DGKB: variants seen among roughly 807,000 people sequenced by gnomAD.
DGKB encodes the protein 90 kDa diacylglycerol kinase.
DGKB carries 67 observed loss-of-function variants against 114.3 expected under a neutral mutation model. The observed-to-expected ratio is 0.59, with a 90% CI of 0.48 to 0.72. DGKB has a LOEUF of 0.72. DGKB is among the 30% of genes least tolerant of loss of function. The probability of loss-of-function intolerance (pLI) is 0.00; values close to 1 mark genes in which losing one functional copy is unlikely to be tolerated. For missense variants in DGKB, 907 were observed against 975.2 expected (o/e 0.93, Z 0.93); for synonymous variants, 398 against 323.1 (o/e 1.23, Z -2.49).
intron 5 of DGKB, among the ~76,000 whole-genome samples, chr7:14,725,458 A>C (rs2128370557): frequency 6.6e-6 from 1 of 152,262 alleles, no homozygotes; most frequent in East Asian, 1.9e-4. Context: ...AATTTTCTGT[A>C]TTTATCACAT....
chr7:14,447,000 C>T (rs1830809484), intron 21 of DGKB, among the ~76,000 whole-genome samples: 1 of 152,078 alleles, frequency 6.6e-6, no homozygotes, highest in African/African-American at 2.4e-5. Flanking sequence ...GGCACAGGCA[C>T]AATAAATTAA....
chr7:14,884,168 T>C (rs1382003643), intron 1 of DGKB, among the ~76,000 whole-genome samples: 1 of 151,986 alleles, frequency 6.6e-6, no homozygotes, highest in Admixed American at 6.6e-5. Context: ...CCTAAAAATA[T>C]GCAAACGAAA....
intron 21 of DGKB, among the ~76,000 whole-genome samples, chr7:14,460,718 T>G (rs796821253): frequency 2.6e-5 from 4 of 151,902 alleles, no homozygotes; most frequent in African/African-American, 9.7e-5. Flanking sequence ...TTAACAAGAG[T>G]ATTCAGGACT....
chr7:14,278,586 A>T (rs1420787933), intron 23 of DGKB, among the ~76,000 whole-genome samples: 3 of 152,200 alleles, frequency 2.0e-5, no homozygotes, highest in Non-Finnish European at 2.9e-5. Flanking sequence ...TCTGGCAATG[A>T]TTTTTGGGGA....
At chr7:14,595,445 T>G (rs2128752241) in intron 17 of DGKB, among the ~76,000 whole-genome samples, 1 of 152,148 alleles carries the variant, frequency 6.6e-6, no homozygotes, top group Middle Eastern at 3.4e-3. Context: ...CATAATAAGT[T>G]AATTTCCTCC....
intron 1 of DGKB, among the ~76,000 whole-genome samples, chr7:14,919,572 G>T (rs1242282695): frequency 6.6e-6 from 1 of 152,096 alleles, no homozygotes; most frequent in Admixed American, 6.5e-5. Context: ...CAATCGCAAG[G>T]TTTTAATTGC....
intron 21 of DGKB, among the ~76,000 whole-genome samples, chr7:14,463,755 A>C (rs1431913197): frequency 2.0e-5 from 3 of 152,218 alleles, no homozygotes; most frequent in Admixed American, 2.0e-4. Context: ...TTTGTTTTCT[A>C]ATATGTGAAG....
intron 25 of DGKB, among the ~76,000 whole-genome samples, chr7:14,167,810 C>A (rs1315668050): frequency 1.3e-5 from 2 of 152,174 alleles, no homozygotes; most frequent in Non-Finnish European, 2.9e-5. Context: ...AGTCAACTAC[C>A]TGCTAAAATA....
chr7:14,755,171 G>T (rs1216644483), intron 3 of DGKB, among the ~76,000 whole-genome samples: 1 of 151,964 alleles, frequency 6.6e-6, no homozygotes, highest in East Asian at 1.9e-4. Context: ...TTTCTTCAAG[G>T]AATGATTATC....
chr7:14,958,076 C>T (rs1370683825), intron 1 of DGKB, among the ~76,000 whole-genome samples: 2 of 151,762 alleles, frequency 1.3e-5, no homozygotes, highest in Non-Finnish European at 2.9e-5. Context: ...ATTTGTAACC[C>T]TTATACAAAT....
At chr7:14,890,380 A>G (rs1035909340) in intron 1 of DGKB, among the ~76,000 whole-genome samples, 1 of 151,474 alleles carries the variant, frequency 6.6e-6, no homozygotes, top group African/African-American at 2.4e-5. Flanking sequence ...GGATAAATCC[A>G]TTTGAAGCTA....
intron 8 of DGKB, among the ~76,000 whole-genome samples, chr7:14,695,738 A>T (rs1477283510): frequency 6.6e-6 from 1 of 151,432 alleles, no homozygotes; most frequent in Non-Finnish European, 1.5e-5. Flanking sequence ...CAATCTCCTG[A>T]CCTCATGATC....
At chr7:14,621,026 C>A (rs1313512793) in intron 15 of DGKB, 1 of 157,204 alleles carries the variant, frequency 6.4e-6, no homozygotes, top group Non-Finnish European at 1.4e-5. Flanking sequence ...ATATCATACC[C>A]ATACTAAATA....
intron 12 of DGKB, among the ~76,000 whole-genome samples, chr7:14,681,784 C>T (rs1175062480): frequency 6.6e-6 from 1 of 151,980 alleles, no homozygotes; most frequent in African/African-American, 2.4e-5. Context: ...AAAATTTTTT[C>T]AAGCTAGATT....
intron 17 of DGKB, among the ~76,000 whole-genome samples, chr7:14,585,599 T>G (rs978147815): frequency 6.6e-6 from 1 of 152,204 alleles, no homozygotes; most frequent in Non-Finnish European, 1.5e-5. Context: ...TTTACATTCT[T>G]GCAAAAAGTG....
At chr7:14,387,970 C>T (rs1012656267) in intron 21 of DGKB, among the ~76,000 whole-genome samples, 1 of 151,444 alleles carries the variant, frequency 6.6e-6, no homozygotes, top group Non-Finnish European at 1.5e-5. Flanking sequence ...ACCTCCACCC[C>T]CCGGGTTAAA....
chr7:14,709,102 C>A (rs1416886415), intron 6 of DGKB, among the ~76,000 whole-genome samples: 2 of 148,802 alleles, frequency 1.3e-5, no homozygotes, highest in Admixed American at 1.3e-4. Flanking sequence ...CTACAATGAA[C>A]TCAAACAAAT....
intron 23 of DGKB, among the ~76,000 whole-genome samples, chr7:14,263,518 C>T (rs371686122): frequency 6.6e-6 from 1 of 152,172 alleles, no homozygotes; most frequent in Non-Finnish European, 1.5e-5. Flanking sequence ...ATGACATGCT[C>T]TCCTTACATG....
At chr7:14,314,408 T>G (rs1467476768) in intron 23 of DGKB, among the ~76,000 whole-genome samples, 1 of 150,304 alleles carries the variant, frequency 6.7e-6, no homozygotes, top group Non-Finnish European at 1.5e-5. Flanking sequence ...AATGTATAAC[T>G]AGAATAACCA....
Sources: allele counts gnomAD v4.1 joint callset (sites outside exome capture counted in the v4.1 genomes callset), GRCh38; gene constraint gnomAD v4.1.1; transcripts MANE v1.5; gene names NCBI Gene and HGNC (gene_info 2026-07-23, HGNC 2026-07-21).